RABGAP1L: variants seen among roughly 807,000 people sequenced by gnomAD.
The protein encoded by RABGAP1L is RAB GTPase activating protein 1 like.
In RABGAP1L, 63 loss-of-function variants were observed where a neutral mutation model predicts 137.7. That is an observed-to-expected ratio of 0.46 (90% CI 0.37 to 0.56). The LOEUF (loss-of-function observed/expected upper bound fraction) is 0.56. Ranked by LOEUF, RABGAP1L falls within the 20% of genes least tolerant of loss-of-function variation. RABGAP1L has a pLI of 0.00. For missense variants in RABGAP1L, 1,095 were observed against 1,244.0 expected, an observed-to-expected ratio of 0.88 and a Z score of 1.80; for synonymous variants, 431 against 433.7, an observed-to-expected ratio of 0.99 and a Z score of 0.08.
chr1:174,739,751 T>A (rs987813678), intron 17 of RABGAP1L, among the ~76,000 whole-genome samples: 4 of 152,230 alleles, frequency 2.6e-5, no homozygotes, highest in Non-Finnish European at 5.9e-5. Flanking sequence ...ATCTAACATA[T>A]TTAAGCTTGC....
rs1650932930 is a variant in RABGAP1L, at chr1:174,864,896, A to T, written c.2340+52936A>T. On this transcript the variant is annotated intron_variant, in intron 19 of 25. Transcript: ENST00000681986. ...CTTTGGGAAGCCTGGGGAGAGGATC[A>T]CCCAGAGCTCAAGGGTTTGAGACCA... 2.0e-5 allele frequency among the ~76,000 whole-genome samples: 3 copies of T among 152,284 alleles called. No individual in the cohort carries two copies. The South Asian group carries it at 6.2e-4, about 32-fold the overall frequency.
At chr1:174,207,974 A>G (rs1245796927) in intron 1 of RABGAP1L, among the ~76,000 whole-genome samples, 1 of 152,228 alleles carries the variant, frequency 6.6e-6, no homozygotes. Flanking sequence ...GGAAGAATTG[A>G]CAATTTAACA....
At chr1:174,339,002 T>G (rs1040030738) in intron 11 of RABGAP1L, among the ~76,000 whole-genome samples, 10 of 152,216 alleles carry the variant, frequency 6.6e-5, no homozygotes, top group Admixed American at 1.3e-4. Flanking sequence ...GTATGTTTTA[T>G]GTAATTCCTG....
chr1:174,380,459 T>G (rs903756707), intron 12 of RABGAP1L, among the ~76,000 whole-genome samples: 4 of 150,860 alleles, frequency 2.7e-5, no homozygotes, highest in Non-Finnish European at 6.0e-5. Context: ...ATTGCCACAA[T>G]TTCAGCTCCT....
At chr1:174,347,956 A>G (rs1008032207) in intron 11 of RABGAP1L, among the ~76,000 whole-genome samples, 1 of 152,020 alleles carries the variant, frequency 6.6e-6, no homozygotes, top group African/African-American at 2.4e-5. Context: ...TTTTAAATCC[A>G]TTTAGCCACT....
chr1:174,327,077 C>T (rs960777739), intron 11 of RABGAP1L, among the ~76,000 whole-genome samples: 2 of 151,928 alleles, frequency 1.3e-5, no homozygotes, highest in Admixed American at 6.6e-5. Context: ...GTTTGTCATA[C>T]TGAGAGAAAA....
At chr1:174,179,313 CAGTT>C (rs1666157355) in intron 1 of RABGAP1L, among the ~76,000 whole-genome samples, 1 of 152,158 alleles carries the variant, frequency 6.6e-6, no homozygotes, top group Non-Finnish European at 1.5e-5. Flanking sequence ...TATAGTTTGT[CAGTT>C]AGTTGTTCTT....
rs565287016 is a variant in RABGAP1L, at chr1:174,539,439, C to T, written c.1711-97936C>T. Among the ~76,000 whole-genome samples, 246 of 152,184 alleles carry T rather than the reference C, an allele frequency of 1.6e-3. 3 individuals are homozygous for T. The highest frequency in any genetic ancestry group is 2.4e-4 in the Non-Finnish European group (16 of 68,022). ...GTATATCTCCTAATGCTATCCCTTC[C>T]CTGTCCCCACACCCCACAACAGGCC... On this transcript the variant is annotated intron_variant, in intron 13 of 25. Transcript: ENST00000681986.
At chr1:174,361,938 C>G (rs1019004749) in intron 11 of RABGAP1L, among the ~76,000 whole-genome samples, 1 of 152,188 alleles carries the variant, frequency 6.6e-6, no homozygotes. Context: ...TCCTCTCACC[C>G]TCAGCCATCC....
chr1:174,382,836 A>C (rs1223102037), intron 12 of RABGAP1L, among the ~76,000 whole-genome samples: 1 of 151,910 alleles, frequency 6.6e-6, no homozygotes, highest in Non-Finnish European at 1.5e-5. Flanking sequence ...CTGGTGAGGA[A>C]CTGCGTTCCT....
chr1:174,811,001 C>G (rs1291897080), intron 18 of RABGAP1L, among the ~76,000 whole-genome samples: 1 of 151,836 alleles, frequency 6.6e-6, no homozygotes, highest in African/African-American at 2.4e-5. Context: ...ACTCAGGAGG[C>G]TGAGGCGGGA....
Position 174,831,981 on chromosome 1 carries a change from A to G in RABGAP1L, c.2340+20021A>G, listed in dbSNP as rs1692156080. 1.4e-5 allele frequency among the ~76,000 whole-genome samples: 2 copies of G among 148,034 alleles called. 1 individual carries two copies. The highest frequency in any genetic ancestry group is 4.9e-5 in the African/African-American group (2 of 40,526). On this transcript the variant is annotated intron_variant, in intron 19 of 25. Transcript: ENST00000681986. ...ATACAAAAGAAAATTCAAAAGATCTAGTATTTTGTCTTTTGAAAAATAAGA... is the reference window on the plus strand; with the variant it reads ...ATACAAAAGAAAATTCAAAAGATCTGGTATTTTGTCTTTTGAAAAATAAGA...
chr1:174,988,806 C>T lies in RABGAP1L; in HGVS notation c.2971C>T (p.Leu991=). The change falls in exon 25 of 26, where the codon CTG becomes TTG. Residue 991 remains leucine, a synonymous_variant. Coordinates refer to ENST00000681986, the MANE Select transcript of RABGAP1L (RefSeq NM_001366446.1). ...GGAACTGGAACTGGCACAAACCAAA[C>T]TGCAGTTGGTGGAGGCCAAGTGTAA... is the stretch of plus-strand genomic sequence containing the variant. ...EMELELAQTK[L]QLVEAKCKIQ... 6.5e-7 allele frequency: 1 copy of T among 1,542,748 alleles called. No individual in the cohort carries two copies. Among genetic ancestry groups the T allele is most frequent in the Non-Finnish European group, 8.7e-7 (1 of 1,144,502 alleles).
At chr1:174,252,657 G>A in intron 7 of RABGAP1L, 67 bp downstream of exon 7, 2 of 1,546,766 alleles carry the variant, frequency 1.3e-6, no homozygotes, top group Non-Finnish European at 1.7e-6. Context: ...CAGATGCATT[G>A]CTCAGTGTGG....
intron 19 of RABGAP1L, among the ~76,000 whole-genome samples, chr1:174,865,574 A>G (rs981827510): frequency 1.0e-5 from 1 of 98,330 alleles, no homozygotes; most frequent in African/African-American, 8.0e-5. Context: ...TATAGATATC[A>G]GAGATTTTTT....
At chr1:174,276,976 T>C (rs1301149594) in intron 9 of RABGAP1L, among the ~76,000 whole-genome samples, 2 of 137,290 alleles carry the variant, frequency 1.5e-5, no homozygotes, top group Non-Finnish European at 3.0e-5. Context: ...TAGAATATAA[T>C]GGATCAGTTT....
chr1:174,580,334 AT>A (rs1196043675), intron 13 of RABGAP1L, among the ~76,000 whole-genome samples: 1 of 152,212 alleles, frequency 6.6e-6, no homozygotes. Context: ...ATGCACACAT[AT>A]GTTTATTGCG....
At chr1:174,909,510 A>G (rs1659708616) in intron 19 of RABGAP1L, among the ~76,000 whole-genome samples, 1 of 152,226 alleles carries the variant, frequency 6.6e-6, no homozygotes, top group South Asian at 2.1e-4. Context: ...TATAGGCATG[A>G]GCCACTGTGC....
intron 19 of RABGAP1L, among the ~76,000 whole-genome samples, chr1:174,834,034 G>A (rs1299629834): frequency 1.3e-5 from 2 of 152,140 alleles, no homozygotes; most frequent in Non-Finnish European, 2.9e-5. Flanking sequence ...TATAAGTTCT[G>A]CCTAAAATAA....
Sources: gnomAD v4.1 joint callset for allele counts (sites outside exome capture counted in the v4.1 genomes callset) on GRCh38, gnomAD v4.1.1 for gene constraint, MANE v1.5 for transcripts, NCBI Gene and HGNC (gene_info 2026-07-23, HGNC 2026-07-21) for gene names.